The following ARHGAP24 variants were observed in gnomAD, a reference collection of about 807,000 sequenced individuals.
ARHGAP24 encodes the protein rho GTPase-activating protein 24.
Under a neutral mutation model 76.4 loss-of-function variants are expected in ARHGAP24, and 50 were observed. The observed-to-expected ratio is 0.65, with a 90% CI of 0.52 to 0.83. The LOEUF (loss-of-function observed/expected upper bound fraction) is 0.83, where lower values mean the gene tolerates loss of function less well. Among genes scored for constraint, ARHGAP24 ranks in the 40% least tolerant of loss-of-function variants. The pLI, the probability that ARHGAP24 is intolerant of heterozygous loss-of-function variation, is 0.00. For missense variants in ARHGAP24, 930 were observed against 914.2 expected (o/e 1.02, Z -0.22); for synonymous variants, 345 against 323.3 (o/e 1.07, Z -0.72).
chr4:85,608,551 G>GTTTTTTTTTTTTTT (rs141361475), intron 2 of ARHGAP24, among the ~76,000 whole-genome samples: 2 of 73,188 alleles, frequency 2.7e-5, no homozygotes, highest in Non-Finnish European at 4.9e-5. Context: ...TTGTTTGGTT[G>GTTTTTTTTTTTTTT]TTTTTTTTTT....
chr4:85,560,054 A>T (rs1364248135), intron 1 of ARHGAP24, among the ~76,000 whole-genome samples: 1 of 152,160 alleles, frequency 6.6e-6, no homozygotes, highest in Non-Finnish European at 1.5e-5. Flanking sequence ...AACACAGGTG[A>T]TTAATTAATA....
chr4:85,845,781 G>A (rs1252623930), intron 3 of ARHGAP24, among the ~76,000 whole-genome samples: 1 of 151,904 alleles, frequency 6.6e-6, no homozygotes, highest in African/African-American at 2.4e-5. Context: ...ACCATTGGTG[G>A]GTATTGGGAG....
At chr4:85,699,172 A>G (rs1466354767) in intron 2 of ARHGAP24, among the ~76,000 whole-genome samples, 3 of 152,196 alleles carry the variant, frequency 2.0e-5, no homozygotes, top group Non-Finnish European at 4.4e-5. Flanking sequence ...ACATGATCCT[A>G]TGATGGATAT....
chr4:85,912,557 A>T (rs781456497), intron 3 of ARHGAP24, among the ~76,000 whole-genome samples: 1 of 152,196 alleles, frequency 6.6e-6, no homozygotes, highest in Admixed American at 6.5e-5. Flanking sequence ...TTGTGCTATC[A>T]TAGTATTTTA....
At chr4:85,701,396 G>A (rs1724081937) in intron 2 of ARHGAP24, among the ~76,000 whole-genome samples, 3 of 151,994 alleles carry the variant, frequency 2.0e-5, no homozygotes, top group African/African-American at 7.3e-5. Context: ...GCTGTACACT[G>A]CACCCAATAT....
intron 5 of ARHGAP24, among the ~76,000 whole-genome samples, chr4:85,962,898 A>G (rs1276370096): frequency 6.6e-6 from 1 of 151,924 alleles, no homozygotes; most frequent in Admixed American, 6.6e-5. Flanking sequence ...ATCTACTGAC[A>G]CTGAGAAGAG....
At chr4:85,961,644 G>C (rs1433116889) in intron 5 of ARHGAP24, among the ~76,000 whole-genome samples, 6 of 151,950 alleles carry the variant, frequency 3.9e-5, no homozygotes, top group Non-Finnish European at 1.5e-5. Flanking sequence ...ACATTAATAA[G>C]TTACTTTCTA....
chr4:85,925,265 G>A (rs2904084), intron 4 of ARHGAP24, among the ~76,000 whole-genome samples: 52,328 of 152,106 alleles, frequency 0.34, 9,712 homozygotes, highest in East Asian at 0.7. Flanking sequence ...GATGTGAATC[G>A]TCCAATTGTC....
chr4:85,938,572 G>T (rs1157745706), intron 4 of ARHGAP24, among the ~76,000 whole-genome samples: 6 of 152,074 alleles, frequency 3.9e-5, no homozygotes, highest in Non-Finnish European at 7.4e-5. Context: ...TAAGCCAGAA[G>T]TGTTTGGCAC....
At chr4:85,966,014 C>T (rs189395) in intron 5 of ARHGAP24, among the ~76,000 whole-genome samples, 99,382 of 152,020 alleles carry the variant, frequency 0.65, 33,757 homozygotes, top group African/African-American at 0.83. Flanking sequence ...AGAAACTTCT[C>T]ATTTCACAGT....
intron 3 of ARHGAP24, among the ~76,000 whole-genome samples, chr4:85,724,262 C>CG (rs1488287924): frequency 1.3e-5 from 2 of 152,074 alleles, no homozygotes; most frequent in Admixed American, 1.3e-4. Flanking sequence ...TCTATCTTTA[C>CG]GGATAGCTAA....
chr4:85,671,314 G>A (rs1274664444), intron 2 of ARHGAP24, among the ~76,000 whole-genome samples: 1 of 151,810 alleles, frequency 6.6e-6, no homozygotes, highest in African/African-American at 2.4e-5. Context: ...AGTATTACAT[G>A]GTATTTTTTC....
At chr4:85,999,780 T>C (rs1458733225) in intron 9 of ARHGAP24, 1 of 152,192 alleles carries the variant, frequency 6.6e-6, no homozygotes, top group Non-Finnish European at 1.5e-5. Context: ...ACAAAACAAC[T>C]ATCAATTTAT....
At chr4:85,511,211 T>A (rs936649) in intron 1 of ARHGAP24, among the ~76,000 whole-genome samples, 148,460 of 152,170 alleles carry the variant, frequency 0.98, 72,535 homozygotes, top group East Asian at 1. Context: ...CTGATTTTTT[T>A]AAAATCTGTC....
At chr4:85,757,090 A>G (rs1407351788) in intron 3 of ARHGAP24, among the ~76,000 whole-genome samples, 1 of 152,108 alleles carries the variant, frequency 6.6e-6, no homozygotes, top group Non-Finnish European at 1.5e-5. Flanking sequence ...TAATGAGTCA[A>G]TTATAGCACA....
intron 2 of ARHGAP24, among the ~76,000 whole-genome samples, chr4:85,641,021 AC>A (rs1355307296): frequency 3.4e-5 from 1 of 29,138 alleles, no homozygotes; most frequent in African/African-American, 1.3e-4. Context: ...AAAGAAATTT[AC>A]TTAAGTTATT....
intron 1 of ARHGAP24, among the ~76,000 whole-genome samples, chr4:85,557,527 C>T (rs1560531850): frequency 1.3e-5 from 2 of 152,140 alleles, no homozygotes; most frequent in Non-Finnish European, 2.9e-5. Context: ...TGTGGTGACT[C>T]CCCTGGCTCT....
intron 1 of ARHGAP24, among the ~76,000 whole-genome samples, chr4:85,502,172 G>A (rs2110099902): frequency 6.6e-6 from 1 of 152,262 alleles, no homozygotes; most frequent in East Asian, 1.9e-4. Context: ...CTCCAGCTTT[G>A]TTCTTTTTGC....
chr4:85,867,719 G>C (rs959058063), intron 3 of ARHGAP24, among the ~76,000 whole-genome samples: 1 of 151,118 alleles, frequency 6.6e-6, no homozygotes, highest in African/African-American at 2.4e-5. Flanking sequence ...GCTATTAACA[G>C]ACAATAATAA....
Sources: allele counts gnomAD v4.1 joint callset (sites outside exome capture counted in the v4.1 genomes callset), GRCh38; gene constraint gnomAD v4.1.1; transcripts MANE v1.5; gene names NCBI Gene and HGNC (gene_info 2026-07-23, HGNC 2026-07-21).